The following DRC8 variants were observed in gnomAD, a reference collection of about 807,000 sequenced individuals.
DRC8 encodes the protein dynein regulatory complex subunit 8.
At chr1:244,981,694 T>C in the DRC8 span, among the ~76,000 whole-genome samples, 1 of 152,300 alleles carries the variant, frequency 6.6e-6, no homozygotes, top group East Asian at 1.9e-4. Context: ...TGGACTGTCA[T>C]GAGAGTGAGA....
At chr1:245,009,827 G>T in the DRC8 span, among the ~76,000 whole-genome samples, 1 of 151,642 alleles carries the variant, frequency 6.6e-6, no homozygotes, top group African/African-American at 2.4e-5. Context: ...AAGTAATGAA[G>T]ATTTAATTTA....
At chr1:245,005,307 C>T in the DRC8 span, among the ~76,000 whole-genome samples, 5 of 150,632 alleles carry the variant, frequency 3.3e-5, no homozygotes, top group Admixed American at 3.3e-4. Context: ...GTGCTTCCGT[C>T]TCTTCAATTT....
At chr1:245,031,208 G>C in the DRC8 span, among the ~76,000 whole-genome samples, 1 of 152,028 alleles carries the variant, frequency 6.6e-6, no homozygotes, top group Non-Finnish European at 1.5e-5. Context: ...CCCCTCCCTG[G>C]TAGTGCTAGT....
the DRC8 span, chr1:245,083,899 T>C: frequency 1.8e-6 from 1 of 557,730 alleles, no homozygotes; most frequent in Non-Finnish European, 3.0e-6. Context: ...TGTTGTCTCG[T>C]AGAATTTTGT....
chr1:245,042,861 G>A, the DRC8 span, among the ~76,000 whole-genome samples: 3 of 152,226 alleles, frequency 2.0e-5, no homozygotes, highest in East Asian at 5.8e-4. Flanking sequence ...CTTGTGTCAG[G>A]AACTTGATAC....
chr1:244,993,036 A>G, the DRC8 span, among the ~76,000 whole-genome samples: 2 of 152,234 alleles, frequency 1.3e-5, no homozygotes, highest in Admixed American at 6.5e-5. Context: ...ACTTGACTGT[A>G]CATGCAACAT....
At chr1:245,081,642 T>C in the DRC8 span, among the ~76,000 whole-genome samples, 1 of 152,082 alleles carries the variant, frequency 6.6e-6, no homozygotes, top group Non-Finnish European at 1.5e-5. Context: ...ATAATTTTTG[T>C]ATTTTTAGTA....
the DRC8 span, among the ~76,000 whole-genome samples, chr1:244,976,595 C>T: frequency 6.6e-6 from 1 of 152,220 alleles, no homozygotes; most frequent in Non-Finnish European, 1.5e-5. Flanking sequence ...GATACTACCT[C>T]ACGCCTGTTA....
chr1:245,100,838 G>A, the DRC8 span, among the ~76,000 whole-genome samples: 3 of 151,980 alleles, frequency 2.0e-5, no homozygotes, highest in African/African-American at 7.2e-5. Context: ...TTTGAATTAG[G>A]AGTCAAGATT....
chr1:245,057,275 T>C, the DRC8 span, among the ~76,000 whole-genome samples: 6 of 150,854 alleles, frequency 4.0e-5, no homozygotes, highest in Admixed American at 6.6e-5. Context: ...GCGAAACTTA[T>C]ATAGGTTGGT....
chr1:245,098,995 T>C, the DRC8 span, among the ~76,000 whole-genome samples: 1 of 152,188 alleles, frequency 6.6e-6, no homozygotes, highest in Non-Finnish European at 1.5e-5. Flanking sequence ...TCCTCAGGTG[T>C]GAAATGCAAC....
chr1:245,121,970 C>G, the DRC8 span: 1,036 of 404,080 alleles, frequency 2.6e-3, 6 homozygotes, highest in African/African-American at 0.02. Context: ...GTGATCTTGG[C>G]TCGTTGCAAC....
the DRC8 span, among the ~76,000 whole-genome samples, chr1:245,109,937 G>A: frequency 6.6e-6 from 1 of 152,194 alleles, no homozygotes; most frequent in Non-Finnish European, 1.5e-5. Flanking sequence ...CTTTTTTTAT[G>A]TGGATGTCTT....
the DRC8 span, among the ~76,000 whole-genome samples, chr1:244,984,526 G>T: frequency 5.3e-5 from 8 of 152,214 alleles, no homozygotes; most frequent in African/African-American, 1.4e-4. Flanking sequence ...GTATTTTTCT[G>T]TGAATCCTTT....
At chr1:245,116,304 C>A in the DRC8 span, among the ~76,000 whole-genome samples, 34 of 152,228 alleles carry the variant, frequency 2.2e-4, no homozygotes, top group African/African-American at 7.2e-4. Flanking sequence ...GGGAGGATCG[C>A]TTGAGGCCAA....
the DRC8 span, among the ~76,000 whole-genome samples, chr1:244,991,253 C>T: frequency 1.1e-4 from 16 of 152,234 alleles, no homozygotes; most frequent in South Asian, 1.9e-3. Flanking sequence ...ATAAAGGGTG[C>T]GGTGAGCTCT....
the DRC8 span, among the ~76,000 whole-genome samples, chr1:245,021,794 T>C: frequency 6.6e-6 from 1 of 152,172 alleles, no homozygotes; most frequent in Non-Finnish European, 1.5e-5. Flanking sequence ...TTAATCTGGA[T>C]GAGCAATGTT....
chr1:244,980,040 T>TAAAAAACAAAAA, the DRC8 span, among the ~76,000 whole-genome samples: 1 of 34,758 alleles, frequency 2.9e-5, no homozygotes, highest in Non-Finnish European at 4.7e-5. Context: ...CCGTCTCTAC[T>TAAAAAACAAAAA]AAAAAAAAAA....
chr1:244,979,661 G>A, the DRC8 span, among the ~76,000 whole-genome samples: 3,401 of 150,920 alleles, frequency 0.023, 138 homozygotes, highest in African/African-American at 0.078. Flanking sequence ...AGGCTGGTCT[G>A]GAACTCCTGA....
Sources: gnomAD v4.1 joint callset for allele counts (sites outside exome capture counted in the v4.1 genomes callset) on GRCh38, gnomAD v4.1.1 for gene constraint, MANE v1.5 for transcripts, NCBI Gene and HGNC (gene_info 2026-07-23, HGNC 2026-07-21) for gene names.